Variants in ENTREP2 observed in about 807,000 individuals in gnomAD.
ENTREP2 encodes the protein protein ENTREP2.
the ENTREP2 span, chr15:29,234,501 A>G: frequency 1.4e-6 from 2 of 1,424,890 alleles, no homozygotes; most frequent in East Asian, 2.3e-5. Context: ...ACTGAGCTAT[A>G]AGAACAACCA....
At chr15:29,315,307 A>G in the ENTREP2 span, among the ~76,000 whole-genome samples, 1 of 152,198 alleles carries the variant, frequency 6.6e-6, no homozygotes, top group African/African-American at 2.4e-5. Flanking sequence ...ATCAATAAGG[A>G]AGGCTAGCCC....
chr15:29,642,387 G>C, the ENTREP2 span, among the ~76,000 whole-genome samples: 8 of 151,082 alleles, frequency 5.3e-5, no homozygotes, highest in Non-Finnish European at 7.4e-5. Context: ...CATTCAATAG[G>C]GGGGAGAGAA....
the ENTREP2 span, among the ~76,000 whole-genome samples, chr15:29,308,513 CCT>C: frequency 6.6e-6 from 1 of 152,208 alleles, no homozygotes; most frequent in East Asian, 1.9e-4. Context: ...TGGACCTGCC[CCT>C]GAGTCAGCTG....
the ENTREP2 span, among the ~76,000 whole-genome samples, chr15:29,340,458 G>A: frequency 6.6e-6 from 1 of 152,168 alleles, no homozygotes; most frequent in South Asian, 2.1e-4. Flanking sequence ...GGGATGAACA[G>A]AGGGCCAGTG....
the ENTREP2 span, among the ~76,000 whole-genome samples, chr15:29,503,646 C>T: frequency 6.6e-6 from 1 of 152,072 alleles, no homozygotes; most frequent in Non-Finnish European, 1.5e-5. Flanking sequence ...TCTTAATCAG[C>T]CAGCTATGCT....
the ENTREP2 span, among the ~76,000 whole-genome samples, chr15:29,615,060 A>T: frequency 6.6e-6 from 1 of 151,974 alleles, no homozygotes; most frequent in Non-Finnish European, 1.5e-5. Context: ...TGGTAACAGC[A>T]TTATCCCATT....
At chr15:29,167,356 A>G in the ENTREP2 span, among the ~76,000 whole-genome samples, 1 of 152,218 alleles carries the variant, frequency 6.6e-6, no homozygotes. Context: ...GCATGGCAAA[A>G]GAAACAGTCA....
chr15:29,274,117 T>C, the ENTREP2 span, among the ~76,000 whole-genome samples: 1 of 152,202 alleles, frequency 6.6e-6, no homozygotes, highest in Non-Finnish European at 1.5e-5. Flanking sequence ...TTTGGTGCTG[T>C]CCACGATTTC....
the ENTREP2 span, among the ~76,000 whole-genome samples, chr15:29,490,199 T>G: frequency 6.6e-6 from 1 of 152,170 alleles, no homozygotes; most frequent in Non-Finnish European, 1.5e-5. Context: ...GAGTCGTTAG[T>G]TCCTTGTGGT....
At chr15:29,206,716 C>T in the ENTREP2 span, among the ~76,000 whole-genome samples, 1 of 152,018 alleles carries the variant, frequency 6.6e-6, no homozygotes, top group Non-Finnish European at 1.5e-5. Flanking sequence ...CTAAAATTGA[C>T]TGGGGTGGTG....
At chr15:29,248,222 A>G in the ENTREP2 span, among the ~76,000 whole-genome samples, 1 of 152,144 alleles carries the variant, frequency 6.6e-6, no homozygotes, top group South Asian at 2.1e-4. Flanking sequence ...ACTGTAAAAT[A>G]CTAAAGAGTT....
At chr15:29,617,044 A>G in the ENTREP2 span, among the ~76,000 whole-genome samples, 1 of 152,216 alleles carries the variant, frequency 6.6e-6, no homozygotes, top group African/African-American at 2.4e-5. Context: ...TGGGCAACTG[A>G]GTGAGACGCC....
At chr15:29,491,600 A>G in the ENTREP2 span, among the ~76,000 whole-genome samples, 1 of 152,186 alleles carries the variant, frequency 6.6e-6, no homozygotes, top group Non-Finnish European at 1.5e-5. Context: ...GGCAAAGTAA[A>G]TCTCAGGAAG....
chr15:29,414,892 A>G, the ENTREP2 span, among the ~76,000 whole-genome samples: 1 of 152,230 alleles, frequency 6.6e-6, no homozygotes. Context: ...TAAACTAGAA[A>G]ATCTAGAAGA....
At chr15:29,659,305 C>G in the ENTREP2 span, among the ~76,000 whole-genome samples, 1 of 152,026 alleles carries the variant, frequency 6.6e-6, no homozygotes, top group African/African-American at 2.4e-5. Context: ...CCCGTCTCTA[C>G]TGAAAATACA....
the ENTREP2 span, among the ~76,000 whole-genome samples, chr15:29,602,052 T>C: frequency 6.6e-6 from 1 of 152,232 alleles, no homozygotes; most frequent in East Asian, 1.9e-4. Context: ...AACCGTGTTG[T>C]TGGAAGACTG....
the ENTREP2 span, among the ~76,000 whole-genome samples, chr15:29,566,443 C>T: frequency 6.6e-6 from 1 of 151,500 alleles, no homozygotes; most frequent in Non-Finnish European, 1.5e-5. Flanking sequence ...GGATTACAGG[C>T]GTGACCCACC....
the ENTREP2 span, among the ~76,000 whole-genome samples, chr15:29,172,562 G>A: frequency 6.6e-6 from 1 of 152,086 alleles, no homozygotes; most frequent in Non-Finnish European, 1.5e-5. Context: ...AGTAGAGCCC[G>A]GGGTGATGAG....
At chr15:29,657,272 G>A in the ENTREP2 span, among the ~76,000 whole-genome samples, 2 of 151,506 alleles carry the variant, frequency 1.3e-5, no homozygotes, top group Admixed American at 1.3e-4. Flanking sequence ...TATTAGCCAG[G>A]ATGGTCGCAA....
Sources: allele counts gnomAD v4.1 joint callset (sites outside exome capture counted in the v4.1 genomes callset), GRCh38; gene constraint gnomAD v4.1.1; transcripts MANE v1.5; gene names NCBI Gene and HGNC (gene_info 2026-07-23, HGNC 2026-07-21).